Variants in CAPN9 observed in about 807,000 individuals in gnomAD.
The protein encoded by CAPN9 is calpain-9.
Under a neutral mutation model 92.8 loss-of-function variants are expected in CAPN9, and 81 were observed. The ratio of observed to expected loss-of-function variants is 0.87; its 90% CI spans 0.73 to 1.05. The LOEUF is 1.05. CAPN9 is among the 50% of genes least tolerant of loss of function. The pLI, the probability that CAPN9 is intolerant of heterozygous loss-of-function variation, is 0.00. For missense variants in CAPN9, 848 were observed against 866.2 expected (o/e 0.98, Z 0.26); for synonymous variants, 304 against 328.0 (o/e 0.93, Z 0.79).
rs1449292212 is a variant in CAPN9 at position 230,780,099 on chromosome 1, T to C, written c.1115-80T>C. 1.5e-5 allele frequency: 13 copies of C among 893,414 alleles called. No homozygotes were observed. The Admixed American group carries it at 2.4e-4, about 16-fold the overall frequency. 55.3% of individuals were successfully genotyped at this position (893,414 alleles called of 1,614,324 possible). On this transcript the variant is annotated intron_variant, in intron 9 of 19. Transcript: ENST00000271971. ...GTATGTGCGTGTGTGTGTGTGTGTGTGTGTGTGTGTGTGTGTGTGTGTGGT... is the reference window on the plus strand; with the variant it reads ...GTATGTGCGTGTGTGTGTGTGTGTGCGTGTGTGTGTGTGTGTGTGTGTGGT...
rs1441005764 is a variant in CAPN9 at position 230,771,585 on chromosome 1, G to T, written c.790-429G>T. ...GGGATGCTAGGATGAAGAAAGTTCA[G>T]TAATAGTTCCATGAGCACCTTTGAG... On this transcript the variant is annotated intron_variant, in intron 6 of 19. Coordinates refer to ENST00000271971, the MANE Select transcript of CAPN9 (RefSeq NM_006615.3). Among the ~76,000 whole-genome samples, 4 of 152,366 alleles carry T rather than the reference G, an allele frequency of 2.6e-5. No homozygotes were observed. In the East Asian group the frequency reaches 7.7e-4, roughly 29 times the overall value.
At chr1:230,780,431 C>T (rs2102897326) in intron 10 of CAPN9, 69 bp from the exon 11 acceptor site, 2 of 1,599,186 alleles carry the variant, frequency 1.3e-6, no homozygotes, top group East Asian at 4.5e-5. Flanking sequence ...AACCAAGAGT[C>T]CATGAATTGT....
At chr1:230,794,410 G>T (rs1668201903) in intron 17 of CAPN9, among the ~76,000 whole-genome samples, 1 of 152,086 alleles carries the variant, frequency 6.6e-6, no homozygotes, top group Non-Finnish European at 1.5e-5. Flanking sequence ...GAAATCAGAA[G>T]GCAGAAGTTG....
At position 230,779,023 on chromosome 1, in the gene CAPN9, A is replaced by G. The variant is rs143810036; in HGVS notation, c.1004A>G (p.Asn335Ser). The G allele has an allele frequency of 2.0e-4, 326 of 1,612,630 alleles. 2 individuals are homozygous for G. Among genetic ancestry groups the G allele is most frequent in the Middle Eastern group, 6.7e-4 (4 of 5,948 alleles). Residue 335 changes from asparagine to serine, a missense_variant, in exon 9 of 20, where the codon AAC becomes AGC. Physicochemically the swap from Asn to Ser is conservative, Grantham distance 46 (BLOSUM62 1). Transcript: ENST00000271971. The part of the protein sequence containing the change: ...KAHFDKVEIC[N>S]LTPDALEEDA... ...CACTTTGATAAAGTGGAGATCTGCA[A>G]CCTCACTCCCGATGCCCTGGAGGAA...
intron 8 of CAPN9, 104 bp downstream of exon 8, chr1:230,774,735 CTTTCTTT>C (rs1553260375): frequency 0.042 from 24,271 of 577,978 alleles, 98 homozygotes; most frequent in South Asian, 0.087. Flanking sequence ...TTCTTTCTTT[CTTTCTTT>C]TTTTTTTTTT....
At chr1:230,765,722 T>G (rs1050866579) in intron 4 of CAPN9, among the ~76,000 whole-genome samples, 4 of 152,066 alleles carry the variant, frequency 2.6e-5, no homozygotes, top group African/African-American at 9.7e-5. Flanking sequence ...TAAATATCAA[T>G]GGGTTCATAC....
intron 17 of CAPN9, among the ~76,000 whole-genome samples, chr1:230,793,153 A>G (rs1668124202): frequency 1.3e-5 from 2 of 152,262 alleles, no homozygotes; most frequent in South Asian, 2.1e-4. Flanking sequence ...GAACATTGGT[A>G]GAAACTTTTT....
intron 3 of CAPN9, among the ~76,000 whole-genome samples, chr1:230,760,690 G>A (rs1377641075): frequency 6.6e-6 from 1 of 152,104 alleles, no homozygotes; most frequent in East Asian, 1.9e-4. Flanking sequence ...TCACAGACCT[G>A]CCACCACCTG....
At chr1:230,774,801 G>T (rs1182290919) in intron 8 of CAPN9, among the ~76,000 whole-genome samples, 170 bp downstream of exon 8, 2 of 147,898 alleles carry the variant, frequency 1.4e-5, no homozygotes, top group African/African-American at 2.5e-5. Context: ...GAGTGCAGTG[G>T]TGCGATCTCG....
chr1:230,793,388 C>T (rs952392353), intron 17 of CAPN9, among the ~76,000 whole-genome samples: 3 of 152,206 alleles, frequency 2.0e-5, no homozygotes, highest in Admixed American at 1.3e-4. Context: ...GGCCCTGTCC[C>T]GGGTTTTATC....
intron 4 of CAPN9, among the ~76,000 whole-genome samples, chr1:230,765,565 A>G (rs1161624484): frequency 6.6e-6 from 1 of 152,200 alleles, no homozygotes; most frequent in East Asian, 1.9e-4. Flanking sequence ...AGGCTAAGGC[A>G]GCAGAACCAC....
At chr1:230,762,561 G>A (rs1665710132) in intron 3 of CAPN9, 92 bp from the exon 4 acceptor site, 4 of 1,480,092 alleles carry the variant, frequency 2.7e-6, no homozygotes, top group Non-Finnish European at 2.8e-6. Context: ...TGGTCAGAGG[G>A]GAAAAAAGCA....
rs372367329 is a variant in CAPN9, at chr1:230,767,722, T to C, written c.705+13T>C. ...CTGCTTCATTGATGTAAGTTGCTCA[T>C]GGGCTCCCATTCCAGGCACTATGCT... On this transcript the variant is annotated intron_variant, in intron 5 of 19. Coordinates refer to ENST00000271971, the MANE Select transcript of CAPN9 (RefSeq NM_006615.3). 1.9e-6 allele frequency: 3 copies of C among 1,610,300 alleles called. No individual in the cohort carries two copies. The highest frequency in any genetic ancestry group is 4.5e-5 in the East Asian group (2 of 44,800).
chr1:230,769,278 C>A lies in CAPN9; in HGVS notation c.789+15C>A. 6.3e-7 allele frequency: 1 copy of A among 1,582,616 alleles called. No homozygotes were observed. The highest frequency in any genetic ancestry group is 8.7e-7 in the Non-Finnish European group (1 of 1,151,686). On this transcript the variant is annotated intron_variant, in intron 6 of 19. Coordinates refer to ENST00000271971, the MANE Select transcript of CAPN9 (RefSeq NM_006615.3). ...GAATTGACCAGGTAGGCGACTTGAA[C>A]TCCAACTGCAGGCTATGGGGAGACA...
rs531453401 is a variant in CAPN9 at position 230,767,946 on chromosome 1, T to C, written c.705+237T>C. On this transcript the variant is annotated intron_variant, in intron 5 of 19. Transcript: ENST00000271971. ...AGTTAATGGGTGCAGCACACCAACATGGCACAGGTATACATATGTAACAAA... is the reference window on the plus strand; with the variant it reads ...AGTTAATGGGTGCAGCACACCAACACGGCACAGGTATACATATGTAACAAA... Among the ~76,000 whole-genome samples the C allele has an allele frequency of 9.3e-5, 14 of 150,966 alleles. No homozygotes were observed. The South Asian group carries it at 2.7e-3, about 29-fold the overall frequency.
intron 1 of CAPN9, among the ~76,000 whole-genome samples, chr1:230,754,839 A>T (rs1665122506): frequency 6.6e-6 from 1 of 152,076 alleles, no homozygotes. Context: ...TTTGGAATCC[A>T]CTTTGTGGGG....
At chr1:230,754,688 G>A (rs952332746) in intron 1 of CAPN9, among the ~76,000 whole-genome samples, 13 of 151,434 alleles carry the variant, frequency 8.6e-5, no homozygotes, top group South Asian at 2.1e-4. Flanking sequence ...GGTGACTCAC[G>A]TCTGTAGTCC....
chr1:230,762,890 T>G (rs1171579702), intron 4 of CAPN9, 104 bp downstream of exon 4: 9 of 1,278,034 alleles, frequency 7.0e-6, no homozygotes, highest in Non-Finnish European at 9.5e-6. Flanking sequence ...GGCTCTGGGT[T>G]TGCAGGTGAG....
intron 11 of CAPN9, 21 bp from the exon 12 acceptor site, chr1:230,785,960 T>G (rs1667552261): frequency 1.9e-6 from 3 of 1,611,632 alleles, no homozygotes; most frequent in Admixed American, 1.7e-5. Context: ...ATTGAGGCAG[T>G]GTGTTTTTCT....
Sources: gnomAD v4.1 joint callset for allele counts (sites outside exome capture counted in the v4.1 genomes callset) on GRCh38, gnomAD v4.1.1 for gene constraint, MANE v1.5 for transcripts, NCBI Gene and HGNC (gene_info 2026-07-23, HGNC 2026-07-21) for gene names.